Variants in COPG2 observed in about 807,000 individuals in gnomAD.
The protein encoded by COPG2 is coatomer subunit gamma-2.
COPG2 carries 37 observed loss-of-function variants against 46.3 expected under a neutral mutation model. That is an observed-to-expected ratio of 0.80 (90% CI 0.61 to 1.05). The LOEUF (loss-of-function observed/expected upper bound fraction) is 1.05, where lower values mean the gene tolerates loss of function less well. Among genes scored for constraint, COPG2 ranks in the 50% least tolerant of loss-of-function variants. COPG2 has a pLI of 0.00. For synonymous variants in COPG2, 159 were observed against 129.7 expected, an observed-to-expected ratio of 1.23 and a Z score of -1.53; for missense variants, 427 against 387.8, an observed-to-expected ratio of 1.10 and a Z score of -0.85.
Position 130,662,947 on chromosome 7 carries a change from A to G in COPG2, c.243+20T>C. 6.8e-7 allele frequency: 1 copy of G among 1,471,892 alleles called. No homozygotes were observed. The highest frequency in any genetic ancestry group is 9.1e-7 in the Non-Finnish European group (1 of 1,094,994). 91.2% of individuals were successfully genotyped at this position (1,471,892 alleles called of 1,614,324 possible). A position where few individuals can be genotyped will look rare whatever the true frequency, so the allele number is the denominator to read the frequency against. ...ATAAAAGGAGGTTTTTCATCGTAAAAAAAATTTAAAAAGACTTACATCATT... is the reference window on the plus strand; with the variant it reads ...ATAAAAGGAGGTTTTTCATCGTAAAGAAAATTTAAAAAGACTTACATCATT... On this transcript the variant is annotated intron_variant, in intron 4 of 23. Coordinates refer to ENST00000425248, the MANE Select transcript of COPG2 (RefSeq NM_012133.6).
chr7:130,536,763 G>GT (rs1325380895), intron 20 of COPG2, among the ~76,000 whole-genome samples: 89 of 152,312 alleles, frequency 5.8e-4, no homozygotes, highest in African/African-American at 2.1e-3. Context: ...AAGGCACCGG[G>GT]ACCATGGTGG....
intron 9 of COPG2, among the ~76,000 whole-genome samples, chr7:130,591,535 C>T (rs1236834402): frequency 7.7e-5 from 10 of 129,816 alleles, no homozygotes; most frequent in East Asian, 7.3e-4. Flanking sequence ...TGCCTCTGCC[C>T]GGCCGCCCCT....
At chr7:130,553,203 C>T (rs1793560532) in intron 14 of COPG2, among the ~76,000 whole-genome samples, 2 of 151,872 alleles carry the variant, frequency 1.3e-5, no homozygotes, top group East Asian at 1.9e-4. Context: ...AGCAAAGGAC[C>T]CATGTTGGAG....
intron 9 of COPG2, among the ~76,000 whole-genome samples, chr7:130,572,201 C>A (rs1793918886): frequency 6.6e-6 from 1 of 151,960 alleles, no homozygotes; most frequent in Non-Finnish European, 1.5e-5. Context: ...AAGAACTTAT[C>A]CATGTAACCA....
At chr7:130,554,954 A>T in intron 13 of COPG2, 83 bp downstream of exon 13, 1 of 397,894 alleles carries the variant, frequency 2.5e-6, no homozygotes, top group Non-Finnish European at 4.4e-6. Context: ...ATGATAAGGA[A>T]ATCTTAAAAC....
chr7:130,659,354 C>CAATAAAAAAAAAAA (rs1795924643), intron 4 of COPG2, among the ~76,000 whole-genome samples: 1 of 65,466 alleles, frequency 1.5e-5, no homozygotes, highest in African/African-American at 6.1e-5. Context: ...GACTCCGTCT[C>CAATAAAAAAAAAAA]AAAAAAAAAA....
chr7:130,520,187 C>A (rs1415553194), intron 20 of COPG2, among the ~76,000 whole-genome samples: 2 of 152,016 alleles, frequency 1.3e-5, no homozygotes, highest in Non-Finnish European at 1.5e-5. Context: ...AGAATATTTA[C>A]GATATGGCAG....
chr7:130,519,152 G>A (rs1799705035), intron 20 of COPG2, among the ~76,000 whole-genome samples: 1 of 152,126 alleles, frequency 6.6e-6, no homozygotes, highest in Non-Finnish European at 1.5e-5. Context: ...AAGGGTATAA[G>A]GAGGGCCGGG....
intron 9 of COPG2, among the ~76,000 whole-genome samples, chr7:130,580,515 T>C (rs1402136885): frequency 5.1e-4 from 66 of 129,318 alleles, no homozygotes; most frequent in Non-Finnish European, 7.9e-4. Context: ...CTGAAGGAAA[T>C]AGAGACACAA....
chr7:130,597,458 T>A (rs1794551264), intron 9 of COPG2, among the ~76,000 whole-genome samples: 1 of 152,220 alleles, frequency 6.6e-6, no homozygotes, highest in South Asian at 2.1e-4. Context: ...GTCCATGTGT[T>A]GTACCCCTGA....
chr7:130,526,135 G>GA (rs1353781817), intron 20 of COPG2, among the ~76,000 whole-genome samples: 3 of 152,004 alleles, frequency 2.0e-5, no homozygotes, highest in African/African-American at 7.2e-5. Context: ...GGGACAGAAA[G>GA]AAAAAAGAGG....
chr7:130,644,876 A>G (rs1467831055), intron 5 of COPG2, among the ~76,000 whole-genome samples: 4 of 152,094 alleles, frequency 2.6e-5, no homozygotes, highest in Non-Finnish European at 2.9e-5. Context: ...AACCTGGCCA[A>G]TATGGTGAAA....
chr7:130,644,861 A>C (rs1390566121), intron 5 of COPG2, among the ~76,000 whole-genome samples: 3 of 152,132 alleles, frequency 2.0e-5, no homozygotes, highest in African/African-American at 4.8e-5. Context: ...CACAAGTTCG[A>C]GACCAACCTG....
intron 20 of COPG2, among the ~76,000 whole-genome samples, chr7:130,532,498 G>A (rs1799837919): frequency 2.6e-5 from 4 of 152,152 alleles, no homozygotes; most frequent in South Asian, 2.1e-4. Context: ...CAGGTGGAGC[G>A]GAGGAGCCGG....
At chr7:130,526,580 G>GGGCAGGACAGCCACA (rs1158756643) in intron 20 of COPG2, among the ~76,000 whole-genome samples, 1 of 151,938 alleles carries the variant, frequency 6.6e-6, no homozygotes, top group African/African-American at 2.4e-5. Context: ...GAAGGGAGCT[G>GGGCAGGACAGCCACA]GGCAGGACAG....
chr7:130,518,029 T>A (rs1389525483), intron 20 of COPG2, among the ~76,000 whole-genome samples: 2 of 152,220 alleles, frequency 1.3e-5, no homozygotes, highest in African/African-American at 2.4e-5. Flanking sequence ...TGATGGGAAG[T>A]TTTTTCTATT....
intron 5 of COPG2, among the ~76,000 whole-genome samples, chr7:130,650,863 T>G (rs1421032851): frequency 2.6e-5 from 4 of 152,190 alleles, no homozygotes; most frequent in Non-Finnish European, 4.4e-5. Flanking sequence ...CAATGGAGAA[T>G]GTCCAAAGAA....
chr7:130,552,306 A>G (rs1473450419), intron 15 of COPG2, 49 bp downstream of exon 15: 1 of 397,846 alleles, frequency 2.5e-6, no homozygotes, highest in Non-Finnish European at 4.4e-6. Context: ...TCACTGTTTA[A>G]CCATATAGAA....
intron 3 of COPG2, 78 bp downstream of exon 3, chr7:130,666,771 T>C (rs1216115161): frequency 2.9e-6 from 2 of 686,732 alleles, no homozygotes; most frequent in Non-Finnish European, 4.9e-6. Flanking sequence ...TAAATATACT[T>C]TCCAGAAAGT....
Sources: gnomAD v4.1 joint callset for allele counts (sites outside exome capture counted in the v4.1 genomes callset) on GRCh38, gnomAD v4.1.1 for gene constraint, MANE v1.5 for transcripts, NCBI Gene and HGNC (gene_info 2026-07-23, HGNC 2026-07-21) for gene names.